ACO2: variants seen among roughly 807,000 people sequenced by gnomAD.
The protein encoded by ACO2 is aconitate hydratase, mitochondrial.
Under a neutral mutation model 84.5 loss-of-function variants are expected in ACO2, and 31 were observed. That is an observed-to-expected ratio of 0.37 (90% CI 0.28 to 0.50). ACO2 has a LOEUF of 0.50. ACO2 is among the 20% of genes least tolerant of loss of function. The pLI, the probability that ACO2 is intolerant of heterozygous loss-of-function variation, is 0.97. For synonymous variants in ACO2, 414 were observed against 412.7 expected (o/e 1.00, Z -0.04); for missense variants, 685 against 1,029.3 (o/e 0.67, Z 4.58).
intron 1 of ACO2, among the ~76,000 whole-genome samples, chr22:41,496,782 C>T (rs1372594626): frequency 1.3e-5 from 2 of 152,124 alleles, no homozygotes; most frequent in Non-Finnish European, 2.9e-5. Flanking sequence ...GAAGTCTGGA[C>T]TGGGGATGTT....
At chr22:41,508,109 C>A in intron 3 of ACO2, 60 bp downstream of exon 3, 1 of 1,557,992 alleles carries the variant, frequency 6.4e-7, no homozygotes, top group East Asian at 2.3e-5. Context: ...GAGGCCTCAC[C>A]CTCACACTGG....
At chr22:41,524,219 G>GT (rs2066555250) in intron 12 of ACO2, among the ~76,000 whole-genome samples, 1 of 152,248 alleles carries the variant, frequency 6.6e-6, no homozygotes, top group Non-Finnish European at 1.5e-5. Context: ...CTAACTCGCT[G>GT]TATGAGTGTG....
chr22:41,476,869 C>G (rs1251108402), intron 1 of ACO2, among the ~76,000 whole-genome samples: 1 of 151,548 alleles, frequency 6.6e-6, no homozygotes. Flanking sequence ...GGAGAATGGG[C>G]CAGGCATGGT....
chr22:41,492,528 C>A (rs1472959810), intron 1 of ACO2, among the ~76,000 whole-genome samples: 1 of 152,170 alleles, frequency 6.6e-6, no homozygotes, highest in Non-Finnish European at 1.5e-5. Flanking sequence ...AATCCGAATA[C>A]TTTGAGAGGC....
rs367835406 is a variant in ACO2 at position 41,488,125 on chromosome 22, A to G, written c.37-11601A>G. ...TAATGTGCACAATAGCAACTATAAT[A>G]CTACAGCACTTTCTGTTTTGGTGTC... On this transcript the variant is annotated intron_variant, in intron 1 of 17. Coordinates refer to ENST00000216254, the MANE Select transcript of ACO2 (RefSeq NM_001098.3). Among the ~76,000 whole-genome samples the G allele has an allele frequency of 1.3e-4, 20 of 152,246 alleles. No homozygotes were observed. In the East Asian group the frequency reaches 3.3e-3, roughly 25 times the overall value.
At chr22:41,474,021 G>A (rs182879626) in intron 1 of ACO2, among the ~76,000 whole-genome samples, 3 of 152,250 alleles carry the variant, frequency 2.0e-5, no homozygotes, top group African/African-American at 2.4e-5. Flanking sequence ...GGGCTGCTGC[G>A]TGCATGATGG....
chr22:41,500,855 C>T (rs2066349224), intron 2 of ACO2, among the ~76,000 whole-genome samples: 1 of 152,038 alleles, frequency 6.6e-6, no homozygotes, highest in Admixed American at 6.6e-5. Flanking sequence ...AGGGACGCAC[C>T]ACGATGCCTG....
chr22:41,478,349 G>A lies in ACO2; in HGVS notation c.36+9167G>A, dbSNP rs567446478. ...AGTAGAGACAGGGTCTCACCCTGTT[G>A]GCAAAGCTGGTCTCCAACTCCTGAC... On this transcript the variant is annotated intron_variant, in intron 1 of 17. Coordinates refer to ENST00000216254, the MANE Select transcript of ACO2 (RefSeq NM_001098.3). Among the ~76,000 whole-genome samples, 35 of 152,070 alleles carry A rather than the reference G, an allele frequency of 2.3e-4. No individual in the cohort carries two copies. The South Asian group carries it at 7.1e-3, about 31-fold the overall frequency.
intron 1 of ACO2, among the ~76,000 whole-genome samples, chr22:41,492,640 G>T (rs2066279844): frequency 6.6e-6 from 1 of 152,160 alleles, no homozygotes; most frequent in Admixed American, 6.5e-5. Context: ...GGGTGTGCTG[G>T]TGCATGCCTG....
At chr22:41,510,204 G>A (rs2066424016) in intron 3 of ACO2, among the ~76,000 whole-genome samples, 1 of 152,116 alleles carries the variant, frequency 6.6e-6, no homozygotes, top group South Asian at 2.1e-4. Context: ...GCAGTGACCT[G>A]TCTAGGGTCA....
chr22:41,522,418 T>C (rs2146134301), intron 9 of ACO2, among the ~76,000 whole-genome samples: 1 of 152,338 alleles, frequency 6.6e-6, no homozygotes, highest in South Asian at 2.1e-4. Context: ...AGAACTCTTA[T>C]TGCCCTGATT....
At position 41,472,179 on chromosome 22, in the gene ACO2, C is replaced by T. The variant is rs142438152; in HGVS notation, c.36+2997C>T. The stretch of plus-strand genomic sequence containing the variant: ...ACCAGCCTGGCCAATATGGTGAAAC[C>T]CCATCTCTACTAAAAACACAAAAAT... On this transcript the variant is annotated intron_variant, in intron 1 of 17. Transcript: ENST00000216254. Among the ~76,000 whole-genome samples, 43 of 152,020 alleles carry T rather than the reference C, an allele frequency of 2.8e-4. No homozygotes were observed. In the East Asian group the frequency reaches 8.1e-3, roughly 29 times the overall value.
At position 41,483,090 on chromosome 22, in the gene ACO2, C is replaced by T. The variant is rs563046786; in HGVS notation, c.36+13908C>T. ...AGTCCTGCCCTCAGCCCCTTTGTTC[C>T]CCAGAAAGTGGGGGAAAGTGGAGGG... On this transcript the variant is annotated intron_variant, in intron 1 of 17. Coordinates refer to ENST00000216254, the MANE Select transcript of ACO2 (RefSeq NM_001098.3). 7.2e-5 allele frequency among the ~76,000 whole-genome samples: 11 copies of T among 152,242 alleles called. No individual in the cohort carries two copies. In the South Asian group the frequency reaches 2.1e-3, roughly 29 times the overall value.
chr22:41,515,751 G>GC lies in ACO2; in HGVS notation c.685-11dup. 6.2e-7 allele frequency: 1 copy of GC among 1,612,620 alleles called. No individual in the cohort carries two copies. The highest frequency in any genetic ancestry group is 8.5e-7 in the Non-Finnish European group (1 of 1,179,882). On this transcript the variant is annotated splice_polypyrimidine_tract_variant and intron_variant, in intron 5 of 17. Transcript: ENST00000216254. The surrounding 1 kb of genome is among the most constrained non-coding windows in gnomAD (Gnocchi z 5.8). Reference sequence around the variant, plus strand: ...ACACACGGCCTCTCACAGCCGCCTCGCCCCCTCCTGTCCAGGTGATTGGCG... The same window carrying GC: ...ACACACGGCCTCTCACAGCCGCCTCGCCCCCCTCCTGTCCAGGTGATTGGCG...
intron 1 of ACO2, among the ~76,000 whole-genome samples, chr22:41,486,702 CGTT>C (rs889995719): frequency 1.1e-3 from 168 of 151,932 alleles, no homozygotes; most frequent in African/African-American, 3.9e-3. Flanking sequence ...GATCTCCTGA[CGTT>C]GTGATCCGCT....
At chr22:41,490,105 C>G (rs1244810306) in intron 1 of ACO2, among the ~76,000 whole-genome samples, 1 of 152,116 alleles carries the variant, frequency 6.6e-6, no homozygotes, top group Non-Finnish European at 1.5e-5. Context: ...GATGGATCAC[C>G]TGAGGTCAGG....
At chr22:41,528,075 T>G (rs925101759) in intron 17 of ACO2, 53 bp downstream of exon 17, 1 of 1,612,060 alleles carries the variant, frequency 6.2e-7, no homozygotes, top group African/African-American at 1.3e-5. Flanking sequence ...GCCACCTTGT[T>G]TCCCCTCCTG....
intron 3 of ACO2, among the ~76,000 whole-genome samples, chr22:41,509,961 G>A (rs1260057590): frequency 1.3e-5 from 2 of 151,510 alleles, no homozygotes; most frequent in Non-Finnish European, 1.5e-5. Context: ...TCAGCCTCCC[G>A]AGTAGCTGGG....
chr22:41,479,701 C>A (rs908701315), intron 1 of ACO2, among the ~76,000 whole-genome samples: 4 of 152,218 alleles, frequency 2.6e-5, no homozygotes, highest in Non-Finnish European at 5.9e-5. Context: ...ACAGAGGCAG[C>A]TTTATTCCTT....
Sources: gnomAD v4.1 joint callset for allele counts (sites outside exome capture counted in the v4.1 genomes callset) on GRCh38, gnomAD v4.1.1 for gene constraint, Gnocchi (gnomAD v3.1) non-coding constraint, MANE v1.5 for transcripts, NCBI Gene and HGNC (gene_info 2026-07-23, HGNC 2026-07-21) for gene names.